Variants in PLEKHH2 observed in about 807,000 individuals in gnomAD.
PLEKHH2 encodes pleckstrin homology, MyTH4 and FERM domain containing H2.
In PLEKHH2, 129 loss-of-function variants were observed where a neutral mutation model predicts 187.9. That is an observed-to-expected ratio of 0.69 (90% CI 0.59 to 0.79). The LOEUF is 0.79. Among genes scored for constraint, PLEKHH2 ranks in the 30% least tolerant of loss-of-function variants. The pLI, the probability that PLEKHH2 is intolerant of heterozygous loss-of-function variation, is 0.00. For synonymous variants in PLEKHH2, 686 were observed against 605.6 expected, an observed-to-expected ratio of 1.13 and a Z score of -1.95; for missense variants, 2,076 against 1,751.2, an observed-to-expected ratio of 1.19 and a Z score of -3.31.
chr2:43,749,137 A>C (rs1290975292), intron 24 of PLEKHH2, among the ~76,000 whole-genome samples: 1 of 152,236 alleles, frequency 6.6e-6, no homozygotes, highest in Non-Finnish European at 1.5e-5. Flanking sequence ...TTGGAACTGA[A>C]GTGAAATTTG....
At chr2:43,732,451 C>A (rs1400557754) in intron 19 of PLEKHH2, among the ~76,000 whole-genome samples, 6 of 152,140 alleles carry the variant, frequency 3.9e-5, no homozygotes, top group Non-Finnish European at 7.4e-5. Flanking sequence ...CTTCACTCAC[C>A]AATGCCATGA....
At position 43,740,714 on chromosome 2, in the gene PLEKHH2, G is replaced by C. The variant is rs575433499; in HGVS notation, c.3124-232G>C. ...GGAGCACCTTGTCTGCTTGTGCCTT[G>C]GTTCCTCAGTTGTAGATAACCATAC... On this transcript the variant is annotated intron_variant, in intron 20 of 29. Coordinates refer to ENST00000282406, the MANE Select transcript of PLEKHH2 (RefSeq NM_172069.4). 2.3e-5 allele frequency: 12 copies of C among 523,724 alleles called. No homozygotes were observed. In the African/African-American group the frequency reaches 2.4e-4, roughly 10 times the overall value. 32.4% of individuals were successfully genotyped at this position (523,724 alleles called of 1,614,324 possible).
chr2:43,692,524 T>C lies in PLEKHH2; in HGVS notation c.197T>C (p.Met66Thr), dbSNP rs1447668305. 2.5e-6 allele frequency: 4 copies of C among 1,572,594 alleles called. No individual in the cohort carries two copies. The African/African-American group carries it at 4.1e-5, about 16-fold the overall frequency. ...AEKAFQQVQVMEDKLKAANIQ... is the reference protein window; with the variant it reads ...AEKAFQQVQVTEDKLKAANIQ... The stretch of plus-strand genomic sequence containing the variant: ...ATCCTTTGAATTTAGGTACAAGTTA[T>C]GGAAGATAAATTAAAAGCAGCTAAT... Residue 66 changes from methionine to threonine, a missense_variant, in exon 4 of 30, where the codon ATG (methionine) becomes ACG (threonine). Physicochemically the swap from Met to Thr is moderately conservative, Grantham distance 81 (BLOSUM62 -1). Transcript: ENST00000282406.
chr2:43,670,675 T>C (rs1195219832), intron 2 of PLEKHH2, among the ~76,000 whole-genome samples: 1 of 152,108 alleles, frequency 6.6e-6, no homozygotes, highest in Non-Finnish European at 1.5e-5. Flanking sequence ...TGCATTTCTA[T>C]ACAAATTTCA....
intron 22 of PLEKHH2, among the ~76,000 whole-genome samples, chr2:43,743,310 C>T (rs1377322262): frequency 6.6e-6 from 1 of 152,128 alleles, no homozygotes; most frequent in Non-Finnish European, 1.5e-5. Context: ...CTTCACTGGG[C>T]CCTTCCAGTT....
At chr2:43,684,889 G>T (rs62136374) in intron 3 of PLEKHH2, among the ~76,000 whole-genome samples, 56,638 of 151,224 alleles carry the variant, frequency 0.37, 11,325 homozygotes, top group Middle Eastern at 0.46. Flanking sequence ...AAACCTGTAG[G>T]CATTTCTTTT....
At chr2:43,716,477 A>G (rs1279419497) in intron 15 of PLEKHH2, among the ~76,000 whole-genome samples, 2 of 152,216 alleles carry the variant, frequency 1.3e-5, no homozygotes, top group African/African-American at 4.8e-5. Flanking sequence ...GTACCCAAGG[A>G]TAAATAGAAG....
intron 28 of PLEKHH2, 51 bp from the exon 29 acceptor site, chr2:43,764,177 C>T: frequency 9.0e-7 from 1 of 1,114,528 alleles, no homozygotes; most frequent in Non-Finnish European, 1.2e-6. Context: ...TTTTCCATCT[C>T]TCCTTGGAAG....
chr2:43,643,363 C>A lies in PLEKHH2; in HGVS notation c.-3-1308C>A, dbSNP rs142473162. On this transcript the variant is annotated intron_variant, in intron 1 of 29. Coordinates refer to ENST00000282406, the MANE Select transcript of PLEKHH2 (RefSeq NM_172069.4). ...GAAGGCTTTAAGAAGCTGGGGTGCA[C>A]TTAATAAATGTTGTAGTCTTTTAAG... is the stretch of plus-strand genomic sequence containing the variant. 3.7e-3 allele frequency among the ~76,000 whole-genome samples: 567 copies of A among 152,046 alleles called. 3 individuals are homozygous for A. The highest frequency in any genetic ancestry group is 0.013 in the African/African-American group (532 of 41,498).
At chr2:43,659,607 G>A (rs1439225523) in intron 2 of PLEKHH2, among the ~76,000 whole-genome samples, 1 of 150,230 alleles carries the variant, frequency 6.7e-6, no homozygotes, top group East Asian at 2.0e-4. Context: ...CACTGCACTG[G>A]AGTGCAGTGG....
At chr2:43,697,416 A>G in intron 7 of PLEKHH2, 60 bp downstream of exon 7, 2 of 1,388,560 alleles carry the variant, frequency 1.4e-6, no homozygotes, top group Non-Finnish European at 2.0e-6. Flanking sequence ...CTCATTTGCT[A>G]AGATTAATCC....
chr2:43,736,660 C>A (rs1015088060), intron 19 of PLEKHH2, among the ~76,000 whole-genome samples: 1 of 151,982 alleles, frequency 6.6e-6, no homozygotes, highest in Non-Finnish European at 1.5e-5. Flanking sequence ...AGGGGGAAAC[C>A]CTGTCTCTAC....
intron 17 of PLEKHH2, among the ~76,000 whole-genome samples, chr2:43,728,134 A>C (rs528254043): frequency 6.6e-6 from 1 of 152,320 alleles, no homozygotes; most frequent in South Asian, 2.1e-4. Flanking sequence ...AGTTCCTAAA[A>C]GTTTTCTCGC....
rs1458876234 is a variant in PLEKHH2, at chr2:43,710,555, G to C, written c.2281G>C (p.Asp761His). Residue 761 changes from aspartate (D) to histidine (H), a missense_variant, in exon 14 of 30, where the codon GAT (aspartate) becomes CAT (histidine). By Grantham distance (81) the Asp-to-His change is moderately conservative. Coordinates refer to ENST00000282406, the MANE Select transcript of PLEKHH2 (RefSeq NM_172069.4). The part of the protein sequence containing the change: ...LSASCSILRG[D>H]NKQTVQLTTE... ...TGCATCCTGTAGTATTTTAAGAGGA[G>C]ATAACAAACAAACAGTTCAGGTACT... The C allele has an allele frequency of 2.0e-6, 3 of 1,538,398 alleles. No individual in the cohort carries two copies. In the South Asian group the frequency reaches 3.6e-5, roughly 18 times the overall value.
intron 1 of PLEKHH2, among the ~76,000 whole-genome samples, chr2:43,641,287 A>G (rs1665907435): frequency 6.6e-6 from 1 of 151,974 alleles, no homozygotes; most frequent in South Asian, 2.1e-4. Flanking sequence ...CAATTTATCT[A>G]TTTTTTCTTC....
At chr2:43,691,905 C>A (rs760601520) in intron 3 of PLEKHH2, among the ~76,000 whole-genome samples, 7 of 152,128 alleles carry the variant, frequency 4.6e-5, no homozygotes, top group African/African-American at 7.2e-5. Flanking sequence ...ATAAGCCGGA[C>A]ACTTGACAGG....
At chr2:43,709,902 T>C in intron 11 of PLEKHH2, 88 bp from the exon 12 acceptor site, 1 of 1,276,502 alleles carries the variant, frequency 7.8e-7, no homozygotes. Flanking sequence ...GATTTAGGAA[T>C]AATTGCATTC....
In PLEKHH2 at chr2:43,681,742, T is replaced by C. The variant is rs1213760326; in HGVS notation, c.186+2817T>C. ...GCTCCCTGATGCCCCAGACACCCCA[T>C]TCAGTTTCGGGTCTGAGAGCCTACT... On this transcript the variant is annotated intron_variant, in intron 3 of 29. Coordinates refer to ENST00000282406, the MANE Select transcript of PLEKHH2 (RefSeq NM_172069.4). 3 of 471,914 alleles carry C rather than the reference T, an allele frequency of 6.4e-6. No individual in the cohort carries two copies. The East Asian group carries it at 1.1e-4, about 18-fold the overall frequency. 29.2% of individuals were successfully genotyped at this position (471,914 alleles called of 1,614,324 possible). A position where few individuals can be genotyped will look rare whatever the true frequency, so the allele number is the denominator to read the frequency against.
intron 1 of PLEKHH2, among the ~76,000 whole-genome samples, chr2:43,639,589 G>A (rs376931679): frequency 6.4e-4 from 97 of 151,408 alleles, no homozygotes; most frequent in African/African-American, 2.1e-3. Flanking sequence ...TGACTATAGC[G>A]TGTATTAGTA....
Sources: allele counts gnomAD v4.1 joint callset (sites outside exome capture counted in the v4.1 genomes callset), GRCh38; gene constraint gnomAD v4.1.1; transcripts MANE v1.5; gene names NCBI Gene and HGNC (gene_info 2026-07-23, HGNC 2026-07-21).